The following TEX15 variants were observed in gnomAD, a reference collection of about 807,000 sequenced individuals.
The protein encoded by TEX15 is testis-expressed protein 15.
A neutral mutation model predicts 237.3 loss-of-function variants in TEX15; 171 were observed. The ratio of observed to expected loss-of-function variants is 0.72; its 90% CI spans 0.64 to 0.82. The LOEUF (loss-of-function observed/expected upper bound fraction) is 0.82, where lower values mean the gene tolerates loss of function less well. Among genes scored for constraint, TEX15 ranks in the 40% least tolerant of loss-of-function variants. The probability of loss-of-function intolerance (pLI) is 0.00; values close to 1 mark genes in which losing one functional copy is unlikely to be tolerated. For missense variants in TEX15, 3,750 were observed against 3,646.5 expected (o/e 1.03, Z -0.73); for synonymous variants, 1,338 against 1,269.8 (o/e 1.05, Z -1.14).
At position 30,888,540 on chromosome 8, in the gene TEX15, T is replaced by C. The variant is rs186162542; in HGVS notation, c.-9-1229A>G. On this transcript the variant is annotated intron_variant, in intron 2 of 10. Transcript: ENST00000643185. ...ACCTCCATCCCCTGCCAAATATTGA[T>C]TCTTAACCTCTTTAAGTAGAACTCA... The C allele has an allele frequency of 9.4e-6, 10 of 1,066,358 alleles. No individual in the cohort carries two copies. The African/African-American group carries it at 9.7e-5, about 10-fold the overall frequency. 66.1% of individuals were successfully genotyped at this position (1,066,358 alleles called of 1,614,324 possible).
chr8:30,841,409 T>C (rs185439404), intron 8 of TEX15, among the ~76,000 whole-genome samples: 6 of 152,336 alleles, frequency 3.9e-5, no homozygotes, highest in Admixed American at 3.3e-4. Context: ...TGTCCCACTT[T>C]CCTTATCTTG....
intron 1 of TEX15, among the ~76,000 whole-genome samples, chr8:30,908,233 A>T (rs929845296): frequency 1.3e-5 from 2 of 151,674 alleles, no homozygotes. Flanking sequence ...CCTATTTTTT[A>T]ATTTTTTGTA....
intron 1 of TEX15, among the ~76,000 whole-genome samples, chr8:30,899,608 G>C (rs1808969973): frequency 6.6e-6 from 1 of 152,094 alleles, no homozygotes; most frequent in African/African-American, 2.4e-5. Context: ...GTGCCACCGT[G>C]CCCGGCTAAT....
chr8:30,851,974 T>C (rs1013785136), intron 7 of TEX15, among the ~76,000 whole-genome samples: 1 of 152,094 alleles, frequency 6.6e-6, no homozygotes, highest in Non-Finnish European at 1.5e-5. Flanking sequence ...TTAAGTTTAA[T>C]AATTTCACTT....
chr8:30,878,096 CTT>C lies in TEX15; in HGVS notation c.137-2996_137-2995del, dbSNP rs36096573. On this transcript the variant is annotated intron_variant, in intron 3 of 10. Coordinates refer to ENST00000643185, the MANE Select transcript of TEX15 (RefSeq NM_001350162.2). ...TGTAGTATGAGACCTGTAAAGATTG[CTT>C]TTTTTTTTTTTTTTTGCTTAGCATA... Among the ~76,000 whole-genome samples the C allele has an allele frequency of 1.3e-3, 156 of 118,160 alleles. 1 individual carries two copies. Among genetic ancestry groups the C allele is most frequent in the African/African-American group, 3.8e-3 (116 of 30,244 alleles). 77.5% of individuals were successfully genotyped at this position (118,160 alleles called of 152,430 possible).
chr8:30,836,946 T>C lies in TEX15; in HGVS notation c.9338A>G (p.Asn3113Ser), dbSNP rs770271778. Residue 3113 changes from asparagine to serine, a missense_variant, in exon 10 of 11, where the codon AAT (asparagine) becomes AGT (serine). Asn to Ser is a conservative substitution (Grantham distance 46). Coordinates refer to ENST00000643185, the MANE Select transcript of TEX15 (RefSeq NM_001350162.2). ...AGGTATTTGAGATTGAAAATACCCATTCACTGGCACAAAGCCATTTGCTTG... is the reference window on the plus strand; with the variant it reads ...AGGTATTTGAGATTGAAAATACCCACTCACTGGCACAAAGCCATTTGCTTG... ...EPQANGFVPV[N>S]GYFQSQIPAS... 6.2e-6 allele frequency: 10 copies of C among 1,614,056 alleles called. No individual in the cohort carries two copies. The highest frequency in any genetic ancestry group is 1.1e-5 in the South Asian group (1 of 91,088).
Position 30,845,451 on chromosome 8 carries a change from ATT to A in TEX15, c.4714_4715del (p.Asn1572SerfsTer3). On this transcript the variant is annotated frameshift_variant, in exon 8 of 11. Coordinates refer to ENST00000643185, the MANE Select transcript of TEX15 (RefSeq NM_001350162.2). LOFTEE classifies it high-confidence loss of function. ...HSDEKLIEKENQIDTAFLSST... is the reference protein window; with the variant it reads ...HSDEKLIEKEXQIDTAFLSST... ...TAGATAAAAATGCTGTATCAATTTG[ATT>A]TTCTTTTTCTATTAGTTTCTCATCT... 6.2e-7 allele frequency: 1 copy of A among 1,612,764 alleles called. No homozygotes were observed. The highest frequency in any genetic ancestry group is 8.5e-7 in the Non-Finnish European group (1 of 1,179,354).
At chr8:30,883,111 T>TC (rs923197341) in intron 3 of TEX15, among the ~76,000 whole-genome samples, 3 of 152,122 alleles carry the variant, frequency 2.0e-5, no homozygotes, top group African/African-American at 7.2e-5. Flanking sequence ...TATTTTTCTT[T>TC]CTCTATCTTT....
At chr8:30,838,474 T>C (rs1807361675) in intron 9 of TEX15, among the ~76,000 whole-genome samples, 1 of 151,956 alleles carries the variant, frequency 6.6e-6, no homozygotes, top group Non-Finnish European at 1.5e-5. Context: ...ACCCCTGCCT[T>C]CCCACCAAAG....
intron 7 of TEX15, among the ~76,000 whole-genome samples, chr8:30,852,281 A>C (rs558052383): frequency 5.5e-4 from 83 of 151,414 alleles, no homozygotes; most frequent in African/African-American, 1.9e-3. Flanking sequence ...AATTTTTTGT[A>C]TTTTTAGTAG....
chr8:30,862,855 T>C lies in TEX15; in HGVS notation c.541-2798A>G, dbSNP rs1808080947. ...CTTAACCAATTTATCTGTGGATGCC[T>C]GCGATTCTGCTATGAGACTTTTTAA... is the stretch of plus-strand genomic sequence containing the variant. On this transcript the variant is annotated intron_variant, in intron 5 of 10. Transcript: ENST00000643185. 3.3e-5 allele frequency among the ~76,000 whole-genome samples: 5 copies of C among 152,206 alleles called. No homozygotes were observed. In the South Asian group the frequency reaches 1.0e-3, roughly 31 times the overall value.
chr8:30,849,523 C>T (rs769710810), intron 7 of TEX15, among the ~76,000 whole-genome samples: 2 of 152,020 alleles, frequency 1.3e-5, no homozygotes, highest in Non-Finnish European at 1.5e-5. Context: ...TGAAATTCTC[C>T]TCGTCTAGAA....
At chr8:30,871,604 A>T (rs1808292585) in intron 4 of TEX15, among the ~76,000 whole-genome samples, 1 of 152,142 alleles carries the variant, frequency 6.6e-6, no homozygotes, top group Admixed American at 6.6e-5. Context: ...ATAAAAGATG[A>T]TCTAGAATTG....
chr8:30,891,800 A>C (rs192158245), intron 2 of TEX15, among the ~76,000 whole-genome samples: 2 of 152,240 alleles, frequency 1.3e-5, no homozygotes, highest in East Asian at 3.9e-4. Flanking sequence ...TGTACTAAGT[A>C]TATTTATTGG....
At chr8:30,860,815 C>T (rs1342450307) in intron 5 of TEX15, among the ~76,000 whole-genome samples, 7 of 151,730 alleles carry the variant, frequency 4.6e-5, no homozygotes, top group East Asian at 2.0e-4. Flanking sequence ...TTCCGAAAAG[C>T]GTTGGGATTA....
At chr8:30,863,804 G>A (rs1166413996) in intron 5 of TEX15, among the ~76,000 whole-genome samples, 3 of 152,120 alleles carry the variant, frequency 2.0e-5, no homozygotes, top group Non-Finnish European at 1.5e-5. Context: ...CACAGAGACA[G>A]CCTACAACAA....
Position 30,847,825 on chromosome 8 carries a change from G to C in TEX15, c.2342C>G (p.Thr781Arg), listed in dbSNP as rs771185442. The C allele has an allele frequency of 1.7e-5, 27 of 1,613,848 alleles. No individual in the cohort carries two copies. The highest frequency in any genetic ancestry group is 2.2e-5 in the Non-Finnish European group (26 of 1,179,942). Residue 781 changes from threonine (T) to arginine (R), a missense_variant, in exon 8 of 11, where the codon ACA becomes AGA. Physicochemically the swap from Thr to Arg is moderately conservative, Grantham distance 71 (BLOSUM62 -1). Coordinates refer to ENST00000643185, the MANE Select transcript of TEX15 (RefSeq NM_001350162.2). ...IPQAKEMFIDTVISSYNIETA... is the reference protein window; with the variant it reads ...IPQAKEMFIDRVISSYNIETA... ...TTCTATGTTATAAGATGAAATAACT[G>C]TATCAATGAACATTTCTTTGGCCTG...
At position 30,847,925 on chromosome 8, in the gene TEX15, GTT is replaced by G; in HGVS notation, c.2240_2241del (p.Glu747AlafsTer12). The G allele has an allele frequency of 3.7e-6, 6 of 1,613,880 alleles. No individual in the cohort carries two copies. The highest frequency in any genetic ancestry group is 5.1e-6 in the Non-Finnish European group (6 of 1,179,922). On this transcript the variant is annotated frameshift_variant, in exon 8 of 11. Coordinates refer to ENST00000643185, the MANE Select transcript of TEX15 (RefSeq NM_001350162.2). LOFTEE classifies it high-confidence loss of function. ...TSLAIAQKLM[E>X]LKLGKINQNY... ...TTTTGATTTATTTTCCCCAATTTCA[GTT>G]CCATTAGCTTTTGAGCAATGGCTAA...
At chr8:30,887,912 A>G (rs1320696757) in intron 2 of TEX15, 1 of 133,156 alleles carries the variant, frequency 7.5e-6, no homozygotes, top group Non-Finnish European at 1.6e-5. Flanking sequence ...ATATATATAT[A>G]TATATATATA....
Sources: allele counts gnomAD v4.1 joint callset (sites outside exome capture counted in the v4.1 genomes callset), GRCh38; gene constraint gnomAD v4.1.1; transcripts MANE v1.5; gene names NCBI Gene and HGNC (gene_info 2026-07-23, HGNC 2026-07-21).